PCYT1B: variants seen among roughly 807,000 people sequenced by gnomAD.
PCYT1B encodes phosphate cytidylyltransferase 1B, choline, also known as choline-phosphate cytidylyltransferase B.
A neutral mutation model predicts 26.4 loss-of-function variants in PCYT1B; 10 were observed. That is an observed-to-expected ratio of 0.38 (90% CI 0.23 to 0.64). The LOEUF (loss-of-function observed/expected upper bound fraction) is 0.64, where lower values mean the gene tolerates loss of function less well. Among genes scored for constraint, PCYT1B ranks in the 30% least tolerant of loss-of-function variants. The pLI is 0.56. For synonymous variants in PCYT1B, 131 were observed against 108.4 expected, an observed-to-expected ratio of 1.21 and a Z score of -1.29; for missense variants, 161 against 292.7, an observed-to-expected ratio of 0.55 and a Z score of 3.28.
chrX:24,618,401 A>T (rs979837037), intron 2 of PCYT1B, among the ~76,000 whole-genome samples: 1 of 111,886 alleles, frequency 8.9e-6, no homozygotes, highest in African/African-American at 3.3e-5. Context: ...ACAGATTCAG[A>T]TCTTTCTAGT....
Position 24,579,304 on chromosome X carries a change from T to C in PCYT1B, c.708+12A>G, listed in dbSNP as rs1924131660. On this transcript the variant is annotated intron_variant, in intron 6 of 7. Coordinates refer to ENST00000379144, the MANE Select transcript of PCYT1B (RefSeq NM_004845.5). The stretch of plus-strand genomic sequence containing the variant: ...ATGGTGGTCTTCAGAGGGTTTGAGG[T>C]GGCATGCTTACATTTATAAAGCTGA... 6 of 1,207,253 alleles carry C rather than the reference T, an allele frequency of 5.0e-6. No individual in the cohort carries two copies. Among genetic ancestry groups the C allele is most frequent in the Non-Finnish European group, 6.7e-6 (6 of 892,561 alleles).
intron 7 of PCYT1B, among the ~76,000 whole-genome samples, chrX:24,568,137 A>G (rs934201845): frequency 8.1e-5 from 9 of 111,715 alleles, no homozygotes; most frequent in Non-Finnish European, 1.5e-4. Flanking sequence ...GATGAAACTC[A>G]AGGAGAGAAA....
chrX:24,619,453 G>T (rs1401887093), intron 1 of PCYT1B, among the ~76,000 whole-genome samples: 1 of 111,571 alleles, frequency 9.0e-6, no homozygotes, highest in East Asian at 2.8e-4. Flanking sequence ...GGAAACTGAG[G>T]CTCATTAGAG....
intron 2 of PCYT1B, among the ~76,000 whole-genome samples, chrX:24,616,352 C>G (rs1426492763): frequency 9.2e-6 from 1 of 108,986 alleles, no homozygotes; most frequent in East Asian, 2.9e-4. Context: ...TTTCTCCTGC[C>G]TCAGCCTCCT....
chrX:24,626,384 A>T (rs1162182654), intron 1 of PCYT1B, among the ~76,000 whole-genome samples: 1 of 111,919 alleles, frequency 8.9e-6, no homozygotes, highest in Non-Finnish European at 1.9e-5. Flanking sequence ...ATACACATTG[A>T]ATTGTTAATT....
At chrX:24,573,597 C>T (rs1452521242) in intron 7 of PCYT1B, among the ~76,000 whole-genome samples, 2 of 110,895 alleles carry the variant, frequency 1.8e-5, no homozygotes, top group African/African-American at 3.3e-5. Flanking sequence ...TTCTTTAGAG[C>T]CTGGAAATTA....
At chrX:24,656,233 G>GT (rs1555966033) in intron 1 of PCYT1B, among the ~76,000 whole-genome samples, 1 of 100,566 alleles carries the variant, frequency 9.9e-6, no homozygotes, top group Non-Finnish European at 2.0e-5. Context: ...GGGTCGCGGG[G>GT]GGGGGTGGTA....
At chrX:24,656,556 T>G (rs1450020166) in intron 1 of PCYT1B, among the ~76,000 whole-genome samples, 13 of 83,401 alleles carry the variant, frequency 1.6e-4, no homozygotes, top group African/African-American at 5.7e-4. Flanking sequence ...TTTTCCTTTT[T>G]TTTTTTTTTT....
At chrX:24,647,947 A>T (rs1204553183), upstream of PCYT1B, among the ~76,000 whole-genome samples, 1 of 112,177 alleles carries the variant, frequency 8.9e-6, no homozygotes, top group Non-Finnish European at 1.9e-5. Flanking sequence ...GCCCTTTCGC[A>T]GTTGCTTCCT....
chrX:24,659,795 G>A (rs901313171), intron 1 of PCYT1B, among the ~76,000 whole-genome samples: 6 of 111,256 alleles, frequency 5.4e-5, no homozygotes, highest in African/African-American at 2.0e-4. Flanking sequence ...CACCCTTGTG[G>A]TAACTAAGCC....
At chrX:24,667,053 C>A (rs1927142327) in intron 1 of PCYT1B, among the ~76,000 whole-genome samples, 1 of 109,196 alleles carries the variant, frequency 9.2e-6, no homozygotes, top group African/African-American at 3.3e-5. Context: ...CCTTAGAGGA[C>A]CACAGTGGGT....
chrX:24,617,752 T>A (rs181724816), intron 2 of PCYT1B, among the ~76,000 whole-genome samples: 11 of 111,596 alleles, frequency 9.9e-5, no homozygotes, highest in African/African-American at 3.6e-4. Flanking sequence ...CCGGCCGAGT[T>A]ATGCCATGTT....
chrX:24,635,495 C>T (rs1926243702), intron 1 of PCYT1B, among the ~76,000 whole-genome samples: 1 of 111,939 alleles, frequency 8.9e-6, no homozygotes, highest in Admixed American at 9.5e-5. Context: ...GATTCTATTT[C>T]AATAATAAAA....
intron 7 of PCYT1B, among the ~76,000 whole-genome samples, chrX:24,564,370 GT>G (rs1164834069): frequency 1.5e-5 from 1 of 68,112 alleles, no homozygotes; most frequent in African/African-American, 4.2e-5. Context: ...TTGTTTTTTT[GT>G]TTTTTGTTTT....
chrX:24,572,918 T>TTATATATATATATATA (rs371692891), intron 7 of PCYT1B, among the ~76,000 whole-genome samples: 7 of 96,302 alleles, frequency 7.3e-5, no homozygotes, highest in African/African-American at 2.6e-4. Flanking sequence ...TTTCATCAAA[T>TTATATATATATATATA]TATATATATA....
chrX:24,659,783 T>C (rs1181397418), intron 1 of PCYT1B, among the ~76,000 whole-genome samples: 1 of 111,066 alleles, frequency 9.0e-6, no homozygotes, highest in Non-Finnish European at 1.9e-5. Flanking sequence ...TTATAACAAA[T>C]CCACCCTTGT....
chrX:24,597,483 C>T (rs1408602741), intron 3 of PCYT1B, among the ~76,000 whole-genome samples: 1 of 112,188 alleles, frequency 8.9e-6, no homozygotes. Context: ...TGTCCAGATT[C>T]AACTTCCAGT....
chrX:24,616,433 T>A (rs1303074342), intron 2 of PCYT1B, among the ~76,000 whole-genome samples: 5 of 109,715 alleles, frequency 4.6e-5, no homozygotes, highest in Non-Finnish European at 7.6e-5. Context: ...GAGACAAGGT[T>A]TCACCATGTT....
At chrX:24,619,130 T>C (rs766786684) in intron 1 of PCYT1B, 46 bp from the exon 2 acceptor site, 3 of 933,619 alleles carry the variant, frequency 3.2e-6, no homozygotes, top group East Asian at 3.1e-5. Flanking sequence ...CAAACTTTCC[T>C]TTGGCACTAA....
Sources: allele counts gnomAD v4.1 joint callset (sites outside exome capture counted in the v4.1 genomes callset), GRCh38; gene constraint gnomAD v4.1.1; transcripts MANE v1.5; gene names NCBI Gene and HGNC (gene_info 2026-07-23, HGNC 2026-07-21).